The following TUT7 variants were observed in gnomAD, a reference collection of about 807,000 sequenced individuals.
The protein encoded by TUT7 is terminal uridylyl transferase 7, also known as terminal uridylyltransferase 7.
In TUT7, 33 loss-of-function variants were observed where a neutral mutation model predicts 165.9. The observed-to-expected ratio is 0.20, with a 90% CI of 0.15 to 0.27. The LOEUF (loss-of-function observed/expected upper bound fraction) is 0.27. Ranked by LOEUF, TUT7 falls within the 10% of genes least tolerant of loss-of-function variation. TUT7 has a pLI of 1.00. For synonymous variants in TUT7, 552 were observed against 608.1 expected, an observed-to-expected ratio of 0.91 and a Z score of 1.36; for missense variants, 1,338 against 1,762.3, an observed-to-expected ratio of 0.76 and a Z score of 4.31.
At position 86,309,246 on chromosome 9, in the gene TUT7, C is replaced by T; in HGVS notation, c.3626G>A (p.Trp1209Ter). The change falls in exon 21 of 27, where the codon TGG (tryptophan) becomes TAG (stop). Residue 1209 changes from tryptophan to a stop codon, truncating the protein, a stop_gained. Transcript: ENST00000375963. LOFTEE classifies it high-confidence loss of function. The part of the protein sequence containing the change: ...EKKPEIFVDG[W>*]NIYFFDQIDE... The stretch of plus-strand genomic sequence containing the variant: ...TATTTGATCAAAAAAATAAATATTC[C>T]AGCCATCAACAAATATTTCAGGTTT... 1 of 1,574,520 alleles carries T rather than the reference C, an allele frequency of 6.4e-7. No individual in the cohort carries two copies. The highest frequency in any genetic ancestry group is 8.7e-7 in the Non-Finnish European group (1 of 1,147,222).
At position 86,294,227 on chromosome 9, in the gene TUT7, C is replaced by T. The variant is rs549222132; in HGVS notation, c.4421-5483G>A. ...ATTTATCTACTTTACAAAAGAAAGGCGTATCTCCTAACCAGCCAAATCCTA... is the reference window on the plus strand; with the variant it reads ...ATTTATCTACTTTACAAAAGAAAGGTGTATCTCCTAACCAGCCAAATCCTA... On this transcript the variant is annotated intron_variant, in intron 26 of 26. Coordinates refer to ENST00000375963, the MANE Select transcript of TUT7 (RefSeq NM_024617.4). 8.5e-5 allele frequency among the ~76,000 whole-genome samples: 12 copies of T among 140,620 alleles called. No homozygotes were observed. The South Asian group carries it at 2.3e-3, about 27-fold the overall frequency. The allele number at this position is 140,620 out of a possible 152,430, so 92.3% of individuals were successfully genotyped here.
In TUT7 at chr9:86,291,572, CAAAAAAA is replaced by C. The variant is rs969598470; in HGVS notation, c.4421-2835_4421-2829del. Among the ~76,000 whole-genome samples, 58 of 48,086 alleles carry C rather than the reference CAAAAAAA, an allele frequency of 1.2e-3. No homozygotes were observed. In the Middle Eastern group the frequency reaches 0.06, roughly 50 times the overall value. 31.5% of individuals were successfully genotyped at this position (48,086 alleles called of 152,430 possible). The stretch of plus-strand genomic sequence containing the variant: ...GGGCAACAAGAGCGAAACTCCATCT[CAAAAAAA>C]AAAAAAAAAAAAAGTAAAAGGGCCC... On this transcript the variant is annotated intron_variant, in intron 26 of 26. Transcript: ENST00000375963.
At chr9:86,303,288 A>T in intron 24 of TUT7, 87 bp from the exon 25 acceptor site, 1 of 610,882 alleles carries the variant, frequency 1.6e-6, no homozygotes, top group Non-Finnish European at 2.9e-6. Context: ...GTTATCTTAC[A>T]ATTCAATGTT....
chr9:86,321,375 T>C (rs1017535532), intron 14 of TUT7, among the ~76,000 whole-genome samples: 2 of 151,822 alleles, frequency 1.3e-5, no homozygotes, highest in Admixed American at 1.3e-4. Flanking sequence ...AAAAATTTTT[T>C]TTCTTGGCAG....
Position 86,345,115 on chromosome 9 carries a change from G to C in TUT7, c.859C>G (p.Pro287Ala), listed in dbSNP as rs1198765083. 7.4e-6 allele frequency: 12 copies of C among 1,613,346 alleles called. No individual in the cohort carries two copies. Among genetic ancestry groups the C allele is most frequent in the Non-Finnish European group, 1.0e-5 (12 of 1,179,718 alleles). ...EEELLTTLPP[P>A]TPSQINAVGI... is the part of the protein sequence containing the mutation. Reference sequence around the variant, plus strand: ...ACTGCATTTATCTGGGAGGGTGTTGGTGGGGGTAACGTAGTGAGCAACTCT... The same window carrying C: ...ACTGCATTTATCTGGGAGGGTGTTGCTGGGGGTAACGTAGTGAGCAACTCT... The change falls in exon 5 of 27, where the codon CCA becomes GCA. Residue 287 changes from proline (P) to alanine (A), a missense_variant. Pro to Ala is a conservative substitution (Grantham distance 27). This residue lies in a region of TUT7 where 434 missense variants were observed against 480.8 expected (regional missense o/e 0.90). Transcript: ENST00000375963.
intron 5 of TUT7, among the ~76,000 whole-genome samples, chr9:86,344,094 A>G (rs1831549303): frequency 6.6e-6 from 1 of 152,350 alleles, no homozygotes; most frequent in East Asian, 1.9e-4. Context: ...TACAAATACT[A>G]TATGTATGAT....
chr9:86,294,298 C>T (rs972530805), intron 26 of TUT7, among the ~76,000 whole-genome samples: 13 of 144,126 alleles, frequency 9.0e-5, no homozygotes, highest in African/African-American at 3.1e-4. Context: ...AAAAAAAACC[C>T]AGAGAAGAGG....
Position 86,323,801 on chromosome 9 carries a change from A to G in TUT7, c.1949T>C (p.Ile650Thr), listed in dbSNP as rs1318138860. The G allele has an allele frequency of 6.2e-7, 1 of 1,613,990 alleles. No homozygotes were observed. The highest frequency in any genetic ancestry group is 8.5e-7 in the Non-Finnish European group (1 of 1,179,946). The change falls in exon 13 of 27, where the codon ATT becomes ACT. Residue 650 changes from isoleucine to threonine, a missense_variant. Ile to Thr is a moderately conservative substitution (Grantham distance 89). Coordinates refer to ENST00000375963, the MANE Select transcript of TUT7 (RefSeq NM_024617.4). Reference sequence around the variant, plus strand: ...TATTACTTCTTTAGAATGTTCTGAAATACATGTAATTGCATTCAGAGGCTT... The same window carrying G: ...TATTACTTCTTTAGAATGTTCTGAAGTACATGTAATTGCATTCAGAGGCTT... ...LLKPLNAITC[I>T]SEHSKEVINH...
chr9:86,330,003 C>A (rs911480280), intron 10 of TUT7, among the ~76,000 whole-genome samples: 3 of 152,138 alleles, frequency 2.0e-5, no homozygotes, highest in Non-Finnish European at 4.4e-5. Context: ...ATTTATTAGT[C>A]TCTTGCCCCA....
chr9:86,338,763 T>A lies in TUT7; in HGVS notation c.1335+60A>T, dbSNP rs370606651. ...CACTGAAGATTAAATTAAGTAAAAA[T>A]CAAAGCATACTGCTTATACATATGT... On this transcript the variant is annotated intron_variant, in intron 9 of 26. Transcript: ENST00000375963. 1.3e-5 allele frequency: 18 copies of A among 1,411,888 alleles called. No homozygotes were observed. The African/African-American group carries it at 2.6e-4, about 21-fold the overall frequency. 87.5% of individuals were successfully genotyped at this position (1,411,888 alleles called of 1,614,324 possible).
In TUT7 at chr9:86,351,732, T is replaced by G. The variant is rs934405788; in HGVS notation, c.520+948A>C. On this transcript the variant is annotated intron_variant, in intron 2 of 26. Transcript: ENST00000375963. ...CTAGAAAGTGTCCATATTCCCTGAATGCATTTAAACTAAAAAAATTTATTT... is the reference window on the plus strand; with the variant it reads ...CTAGAAAGTGTCCATATTCCCTGAAGGCATTTAAACTAAAAAAATTTATTT... Among the ~76,000 whole-genome samples the G allele has an allele frequency of 3.3e-5, 5 of 152,344 alleles. No individual in the cohort carries two copies. The South Asian group carries it at 8.3e-4, about 25-fold the overall frequency.
intron 26 of TUT7, among the ~76,000 whole-genome samples, chr9:86,296,067 A>G (rs1359035317): frequency 1.3e-5 from 2 of 152,336 alleles, no homozygotes; most frequent in East Asian, 3.9e-4. Flanking sequence ...TGTTTGTCCT[A>G]TAAGTTAGAA....
intron 2 of TUT7, among the ~76,000 whole-genome samples, chr9:86,351,483 T>G (rs1832297017): frequency 6.6e-6 from 1 of 152,144 alleles, no homozygotes; most frequent in African/African-American, 2.4e-5. Flanking sequence ...ACTAGAAGTA[T>G]CTGTGAAAAA....
At chr9:86,290,399 G>T (rs1274705969) in intron 26 of TUT7, among the ~76,000 whole-genome samples, 1 of 152,050 alleles carries the variant, frequency 6.6e-6, no homozygotes, top group African/African-American at 2.4e-5. Context: ...AACTCACAAT[G>T]AAAAATATCA....
chr9:86,337,474 A>T lies in TUT7; in HGVS notation c.1400T>A (p.Ile467Asn). 6.2e-7 allele frequency: 1 copy of T among 1,614,010 alleles called. No homozygotes were observed. The highest frequency in any genetic ancestry group is 8.5e-7 in the Non-Finnish European group (1 of 1,179,898). Reference sequence around the variant, plus strand: ...TTCTTTCCTCTGCTGAAGAAAGAAAATGGCCATCAGGGCAAACACATAAGG... The same window carrying T: ...TTCTTTCCTCTGCTGAAGAAAGAAATTGGCCATCAGGGCAAACACATAAGG... The part of the protein sequence containing the change: ...LPPYVFALMA[I>N]FFLQQRKEPL... The change falls in exon 10 of 27, where the codon ATT (isoleucine) becomes AAT (asparagine). Residue 467 changes from isoleucine to asparagine, a missense_variant. Physicochemically the swap from Ile to Asn is moderately radical, Grantham distance 149. This residue lies in a region of TUT7 where 74 missense variants were observed against 128.5 expected (regional missense o/e 0.58). Transcript: ENST00000375963.
At chr9:86,298,562 C>G (rs963230040) in intron 26 of TUT7, among the ~76,000 whole-genome samples, 1 of 152,172 alleles carries the variant, frequency 6.6e-6, no homozygotes, top group Non-Finnish European at 1.5e-5. Flanking sequence ...ACAAAACACA[C>G]AGGCCCATGC....
chr9:86,306,888 T>C (rs1180291582), intron 22 of TUT7, among the ~76,000 whole-genome samples: 1 of 152,236 alleles, frequency 6.6e-6, no homozygotes, highest in African/African-American at 2.4e-5. Context: ...GAAGCCTTCT[T>C]TTTAGTTTAG....
At chr9:86,341,110 A>ATT in intron 6 of TUT7, 57 bp from the exon 7 acceptor site, 3 of 1,446,254 alleles carry the variant, frequency 2.1e-6, no homozygotes, top group Non-Finnish European at 2.9e-6. Flanking sequence ...TGCTTCACTG[A>ATT]TATAAGAGTC....
chr9:86,304,487 T>C (rs571060307), intron 24 of TUT7, among the ~76,000 whole-genome samples: 24 of 152,264 alleles, frequency 1.6e-4, no homozygotes, highest in African/African-American at 5.8e-4. Flanking sequence ...TGCAAGCAGA[T>C]TGGAAAATCT....
Sources: allele counts gnomAD v4.1 joint callset (sites outside exome capture counted in the v4.1 genomes callset), GRCh38; gene constraint gnomAD v4.1.1; regional missense constraint gnomAD v4.1.1; transcripts MANE v1.5; gene names NCBI Gene and HGNC (gene_info 2026-07-23, HGNC 2026-07-21).